SEPTIN6: variants seen among roughly 807,000 people sequenced by gnomAD.
SEPTIN6 encodes the protein septin 6, also known as septin-6.
Under a neutral mutation model 33.6 loss-of-function variants are expected in SEPTIN6, and 8 were observed. The observed-to-expected ratio is 0.24, with a 90% CI of 0.14 to 0.43. SEPTIN6 has a LOEUF of 0.43. Ranked by LOEUF, SEPTIN6 falls within the 20% of genes least tolerant of loss-of-function variation. SEPTIN6 has a pLI of 1.00. For missense variants in SEPTIN6, 250 were observed against 340.8 expected (o/e 0.73, Z 2.10); for synonymous variants, 131 against 140.0 (o/e 0.94, Z 0.45).
intron 1 of SEPTIN6, among the ~76,000 whole-genome samples, chrX:119,687,960 A>T: frequency 8.9e-6 from 1 of 112,645 alleles, no homozygotes; most frequent in Admixed American, 9.4e-5. Context: ...GGATGTAAAA[A>T]GGAAACAGGG....
chrX:119,691,752 G>A (rs2055176009), intron 1 of SEPTIN6, among the ~76,000 whole-genome samples: 1 of 112,260 alleles, frequency 8.9e-6, no homozygotes, highest in Non-Finnish European at 1.9e-5. Context: ...AATACCTAGA[G>A]GCTTTTTTTT....
chrX:119,616,799 T>C, downstream of SEPTIN6: 1 of 1,115,417 alleles, frequency 9.0e-7, no homozygotes, highest in Non-Finnish European at 1.2e-6. Flanking sequence ...AAAGAGGACA[T>C]TCAAAGTAAG....
In SEPTIN6 at chrX:119,618,179, T is replaced by TTTTTTTTTTG; in HGVS notation, c.*1913_*1914insCAAAAAAAAA. 1 of 796,778 alleles carries TTTTTTTTTTG rather than the reference T, an allele frequency of 1.3e-6. No individual in the cohort carries two copies. Among genetic ancestry groups the TTTTTTTTTTG allele is most frequent in the Middle Eastern group, 6.4e-4 (1 of 1,572 alleles). 65.7% of individuals were successfully genotyped at this position (796,778 alleles called of 1,213,427 possible). On this transcript the variant is annotated 3_prime_UTR_variant, in exon 11 of 11. Coordinates refer to ENST00000394610, the MANE Select transcript of SEPTIN6 (RefSeq NM_145799.4). The stretch of plus-strand genomic sequence containing the variant: ...TATCTGAGCAGATTTTTTTTTTTTT[T>TTTTTTTTTTG]TTTTTGGTCGTTGGTTTGTTTCTAC...
rs1010221372 is a variant in SEPTIN6 at position 119,644,806 on chromosome X, G to T, written c.691-4018C>A. On this transcript the variant is annotated intron_variant, in intron 5 of 10. Coordinates refer to ENST00000394610, the MANE Select transcript of SEPTIN6 (RefSeq NM_145799.4). ...GGTTGTGGTTAGCCGAGCCAAGATC[G>T]CACCACTGCACTGCAGCCTGGCCGA... Among the ~76,000 whole-genome samples, 3 of 108,732 alleles carry T rather than the reference G, an allele frequency of 2.8e-5. No homozygotes were observed. The Admixed American group carries it at 2.9e-4, about 11-fold the overall frequency. The allele number at this position is 108,732 out of a possible 115,157, so 94.4% of individuals were successfully genotyped here.
At position 119,637,022 on chromosome X, in the gene SEPTIN6, G is replaced by A. The variant is rs750011002; in HGVS notation, c.956+5C>T. The A allele has an allele frequency of 1.9e-5, 23 of 1,208,356 alleles. No individual in the cohort carries two copies. The highest frequency in any genetic ancestry group is 2.3e-4 in the Middle Eastern group (1 of 4,330). ...TGGGCTGGGCTGGGCTGGCAGGAGC[G>A]GTACCTGAAGGGTTTGCTGTCAGGG... On this transcript the variant is annotated splice_donor_5th_base_variant and intron_variant, in intron 7 of 10. Coordinates refer to ENST00000394610, the MANE Select transcript of SEPTIN6 (RefSeq NM_145799.4).
rs1399962224 is a variant in SEPTIN6 at position 119,654,186 on chromosome X, G to A, written c.342-1146C>T. Among the ~76,000 whole-genome samples, 2 of 111,516 alleles carry A rather than the reference G, an allele frequency of 1.8e-5. 1 individual carries two copies. The highest frequency in any genetic ancestry group is 6.5e-5 in the African/African-American group (2 of 30,701). ...CCAGCTCACTGAGTCTCCACACGCGGCTCCTCTAGGTGGCCCCCAAGTCTT... is the reference window on the plus strand; with the variant it reads ...CCAGCTCACTGAGTCTCCACACGCGACTCCTCTAGGTGGCCCCCAAGTCTT... On this transcript the variant is annotated intron_variant, in intron 3 of 10. Coordinates refer to ENST00000394610, the MANE Select transcript of SEPTIN6 (RefSeq NM_145799.4).
At chrX:119,681,701 G>T (rs1297789555) in intron 1 of SEPTIN6, among the ~76,000 whole-genome samples, 1 of 111,929 alleles carries the variant, frequency 8.9e-6, no homozygotes, top group Non-Finnish European at 1.9e-5. Flanking sequence ...GTATCTCCAA[G>T]ACATATTATA....
chrX:119,650,570 T>C (rs1236095261), intron 4 of SEPTIN6, among the ~76,000 whole-genome samples: 1 of 111,583 alleles, frequency 9.0e-6, no homozygotes, highest in African/African-American at 3.3e-5. Flanking sequence ...AGAAAGGTGA[T>C]AGCTGGGAAT....
intron 3 of SEPTIN6, among the ~76,000 whole-genome samples, chrX:119,653,383 T>C (rs892583305): frequency 2.7e-5 from 3 of 112,341 alleles, no homozygotes; most frequent in African/African-American, 9.7e-5. Context: ...GTCAGGGGCA[T>C]AACAAGAAAT....
chrX:119,668,221 G>C (rs1353727992), intron 2 of SEPTIN6, among the ~76,000 whole-genome samples: 1 of 110,573 alleles, frequency 9.0e-6, no homozygotes, highest in Admixed American at 9.7e-5. Context: ...GTTTGAACCC[G>C]GGAGGCGGAG....
At position 119,680,980 on chromosome X, in the gene SEPTIN6, C is replaced by CAA. The variant is rs60147271; in HGVS notation, c.31-5314_31-5313dup. On this transcript the variant is annotated intron_variant, in intron 1 of 10. Transcript: ENST00000394610. ...TGGGCGACAGAGTAAGACTCTGTCTCAAAAAAAAAAAAAAAATGTATTTGT... is the reference window on the plus strand; with the variant it reads ...TGGGCGACAGAGTAAGACTCTGTCTCAAAAAAAAAAAAAAAAAATGTATTTGT... Among the ~76,000 whole-genome samples the CAA allele has an allele frequency of 7.3e-3, 566 of 77,950 alleles. 9 individuals are homozygous for CAA. Among genetic ancestry groups the CAA allele is most frequent in the South Asian group, 0.061 (97 of 1,591 alleles). 67.7% of individuals were successfully genotyped at this position (77,950 alleles called of 115,157 possible). A position where few individuals can be genotyped will look rare whatever the true frequency, so the allele number is the denominator to read the frequency against.
At chrX:119,625,130 TTAATC>T (rs2053839448) in intron 10 of SEPTIN6, among the ~76,000 whole-genome samples, 200 bp downstream of exon 10, 1 of 112,008 alleles carries the variant, frequency 8.9e-6, no homozygotes, top group Admixed American at 9.5e-5. Flanking sequence ...ACCCCTCACT[TTAATC>T]AGGCAGGCAG....
At chrX:119,637,618 T>TATCTATCC (rs2054087254) in intron 6 of SEPTIN6, among the ~76,000 whole-genome samples, 1 of 85,809 alleles carries the variant, frequency 1.2e-5, no homozygotes, top group African/African-American at 4.5e-5. Flanking sequence ...TCCATCCATC[T>TATCTATCC]ATCCATCCAT....
intron 3 of SEPTIN6, among the ~76,000 whole-genome samples, chrX:119,662,741 G>A (rs12687184): frequency 0.045 from 5,026 of 112,346 alleles, 188 homozygotes; most frequent in East Asian, 0.14. Context: ...CATTGTGATT[G>A]AACATTAGTT....
intron 9 of SEPTIN6, among the ~76,000 whole-genome samples, chrX:119,627,791 C>CTTTT (rs973249197): frequency 1.2e-4 from 9 of 73,673 alleles, no homozygotes; most frequent in Admixed American, 1.6e-4. Flanking sequence ...ATCTGCACTT[C>CTTTT]TTTTTTTTTT....
rs2054566997 is a variant in SEPTIN6 at position 119,662,547 on chromosome X, C to T, written c.341+935G>A. On this transcript the variant is annotated intron_variant, in intron 3 of 10. Coordinates refer to ENST00000394610, the MANE Select transcript of SEPTIN6 (RefSeq NM_145799.4). ...ATCTGTCTCCTCTTCCCTATCTCAG[C>T]ACCTATTTTACCTCTTGCCTTGATC... 2.7e-5 allele frequency among the ~76,000 whole-genome samples: 3 copies of T among 111,699 alleles called. No homozygotes were observed. In the Admixed American group the frequency reaches 2.9e-4, roughly 11 times the overall value.
chrX:119,617,437 G>T lies in SEPTIN6; in HGVS notation c.*2656C>A. On this transcript the variant is annotated 3_prime_UTR_variant, in exon 11 of 11. Coordinates refer to ENST00000394610, the MANE Select transcript of SEPTIN6 (RefSeq NM_145799.4). ...TTCCCTGATTATAAGGGTCACCTAG[G>T]GCACCTGTTACACACAGTCTCCTGG... The T allele has an allele frequency of 2.5e-6, 2 of 803,519 alleles. No individual in the cohort carries two copies. Among genetic ancestry groups the T allele is most frequent in the Non-Finnish European group, 3.0e-6 (2 of 669,792 alleles). The allele number at this position is 803,519 out of a possible 1,213,427, so 66.2% of individuals were successfully genotyped here. A position where few individuals can be genotyped will look rare whatever the true frequency, so the allele number is the denominator to read the frequency against.
chrX:119,681,472 T>G (rs1314543454), intron 1 of SEPTIN6, among the ~76,000 whole-genome samples: 1 of 110,902 alleles, frequency 9.0e-6, no homozygotes, highest in Non-Finnish European at 1.9e-5. Flanking sequence ...CCATTTTAAA[T>G]TGCACTTCTC....
chrX:119,617,254 T>A lies in SEPTIN6; in HGVS notation c.*2839A>T, dbSNP rs758476351. The A allele has an allele frequency of 1.2e-4, 99 of 798,886 alleles. No individual in the cohort carries two copies. In the South Asian group the frequency reaches 1.7e-3, roughly 13 times the overall value. 65.8% of individuals were successfully genotyped at this position (798,886 alleles called of 1,213,427 possible). On this transcript the variant is annotated 3_prime_UTR_variant, in exon 11 of 11. Coordinates refer to ENST00000394610, the MANE Select transcript of SEPTIN6 (RefSeq NM_145799.4). ...CAGAGTACTTAGGGTATTTTTTTTT[T>A]AAATAGTAACAGTTGTACTAATTTA...
Sources: gnomAD v4.1 joint callset for allele counts (sites outside exome capture counted in the v4.1 genomes callset) on GRCh38, gnomAD v4.1.1 for gene constraint, MANE v1.5 for transcripts, NCBI Gene and HGNC (gene_info 2026-07-23, HGNC 2026-07-21) for gene names.